The following PRKCH variants were observed in gnomAD, a reference collection of about 807,000 sequenced individuals.
PRKCH encodes the protein protein kinase C eta type.
A neutral mutation model predicts 82.5 loss-of-function variants in PRKCH; 28 were observed. That is an observed-to-expected ratio of 0.34 (90% CI 0.25 to 0.47). The LOEUF (loss-of-function observed/expected upper bound fraction) is 0.47, where lower values mean the gene tolerates loss of function less well. Ranked by LOEUF, PRKCH falls within the 20% of genes least tolerant of loss-of-function variation. PRKCH has a pLI of 1.00. For synonymous variants in PRKCH, 322 were observed against 327.4 expected (o/e 0.98, Z 0.18); for missense variants, 705 against 881.8 (o/e 0.80, Z 2.54).
At chr14:61,494,516 G>A (rs1251749952) in intron 10 of PRKCH, among the ~76,000 whole-genome samples, 1 of 152,240 alleles carries the variant, frequency 6.6e-6, no homozygotes, top group Non-Finnish European at 1.5e-5. Flanking sequence ...GGGGATGTGG[G>A]CAGGTTGCTG....
chr14:61,441,593 A>G (rs1473651673), intron 2 of PRKCH, among the ~76,000 whole-genome samples: 2 of 152,148 alleles, frequency 1.3e-5, no homozygotes, highest in African/African-American at 4.8e-5. Flanking sequence ...GCCTCTTCAC[A>G]TCCTCTGCCC....
At chr14:61,360,492 G>A (rs935722285) in intron 1 of PRKCH, among the ~76,000 whole-genome samples, 3 of 151,892 alleles carry the variant, frequency 2.0e-5, no homozygotes, top group East Asian at 1.9e-4. Context: ...GTGTCAGAGT[G>A]AGACTCCATC....
intron 1 of PRKCH, among the ~76,000 whole-genome samples, chr14:61,350,895 G>T (rs566015114): frequency 1.3e-5 from 2 of 152,166 alleles, no homozygotes; most frequent in Non-Finnish European, 2.9e-5. Context: ...TCTGTAGAGG[G>T]ATTGTAGGTT....
At chr14:61,464,311 A>G (rs1441588019) in intron 9 of PRKCH, among the ~76,000 whole-genome samples, 2 of 150,204 alleles carry the variant, frequency 1.3e-5, no homozygotes, top group Non-Finnish European at 3.0e-5. Context: ...CATATCCCCA[A>G]TGATTAGTGA....
chr14:61,331,088 A>ACATACATACATAT (rs1566823917), intron 1 of PRKCH, among the ~76,000 whole-genome samples: 1 of 152,234 alleles, frequency 6.6e-6, no homozygotes, highest in East Asian at 1.9e-4. Context: ...CTAACTCATG[A>ACATACATACATAT]GAAGTGTAAT....
chr14:61,317,693 TCCTGGCTACTGCTTTTCTCTTACCTC>T (rs1213425758), upstream of PRKCH, among the ~76,000 whole-genome samples: 2 of 152,146 alleles, frequency 1.3e-5, no homozygotes, highest in Non-Finnish European at 2.9e-5. Flanking sequence ...CACCACATCT[TCCTGGCTACTGCTTTTCTCTTACCTC>T]CCTGGCTACT....
chr14:61,200,413 G>A (rs2044471891), intron 1 of PRKCH, among the ~76,000 whole-genome samples: 1 of 150,958 alleles, frequency 6.6e-6, no homozygotes, highest in Admixed American at 6.6e-5. Context: ...GTGTGTGTTT[G>A]TGTGTTACAG....
At position 61,280,246 on chromosome 14, in the gene PRKCH, A is replaced by C; in HGVS notation, c.-19+92578A>C. ...CCACGAGATGCTGCTGAAGATGAGG[A>C]GCTTGTGGCCGCCGAACGCGCGCAC... is the stretch of plus-strand genomic sequence containing the variant. On this transcript the variant is annotated intron_variant, in intron 1 of 3. Transcript: ENST00000555185. The surrounding 1 kb of genome is among the most constrained non-coding windows in gnomAD (Gnocchi z 5.0). 1.2e-6 allele frequency: 2 copies of C among 1,613,998 alleles called. No individual in the cohort carries two copies. Among genetic ancestry groups the C allele is most frequent in the Non-Finnish European group, 8.5e-7 (1 of 1,179,980 alleles).
chr14:61,321,905 T>C lies in PRKCH; in HGVS notation c.-197T>C, dbSNP rs1704822959. ...GCGGCGGGCTCCCCTCCTTTCCACC[T>C]CGGGAGGGAGGGAAGGAGGGGAGGG... On this transcript the variant is annotated 5_prime_UTR_variant, in exon 1 of 14. Coordinates refer to ENST00000332981, the MANE Select transcript of PRKCH (RefSeq NM_006255.5). This position sits in a 1 kb window ranked among gnomAD's most constrained non-coding sequence, Gnocchi z 4.1. The C allele has an allele frequency of 1.8e-6, 1 of 545,492 alleles. No homozygotes were observed. Among genetic ancestry groups the C allele is most frequent in the South Asian group, 2.5e-5 (1 of 40,124 alleles). The allele number at this position is 545,492 out of a possible 1,614,324, so 33.8% of individuals were successfully genotyped here. A position where few individuals can be genotyped will look rare whatever the true frequency, so the allele number is the denominator to read the frequency against.
At chr14:61,522,643 C>T (rs1191409379) in intron 10 of PRKCH, among the ~76,000 whole-genome samples, 2 of 152,352 alleles carry the variant, frequency 1.3e-5, no homozygotes, top group South Asian at 2.1e-4. Flanking sequence ...CTAGGTCAGG[C>T]CATCCCTTGA....
intron 9 of PRKCH, among the ~76,000 whole-genome samples, chr14:61,484,335 A>G (rs1353135189): frequency 7.7e-6 from 1 of 130,136 alleles, no homozygotes; most frequent in East Asian, 2.2e-4. Flanking sequence ...TTCTCACACC[A>G]AACTCTGTAT....
chr14:61,323,206 TG>T, intron 1 of PRKCH, among the ~76,000 whole-genome samples: 1 of 152,304 alleles, frequency 6.6e-6, no homozygotes, highest in African/African-American at 2.4e-5. Flanking sequence ...CCTGTGTTCC[TG>T]GGTATTGACG....
intron 1 of PRKCH, among the ~76,000 whole-genome samples, chr14:61,270,049 T>C (rs940689815): frequency 6.6e-6 from 1 of 152,256 alleles, no homozygotes; most frequent in Non-Finnish European, 1.5e-5. Context: ...GCTTGGCTGC[T>C]GAGTTTACCT....
intron 1 of PRKCH, among the ~76,000 whole-genome samples, chr14:61,283,308 A>G (rs920256740): frequency 6.6e-6 from 1 of 152,104 alleles, no homozygotes; most frequent in African/African-American, 2.4e-5. Flanking sequence ...TATTCATTCC[A>G]CTAATTAAGG....
intron 2 of PRKCH, among the ~76,000 whole-genome samples, chr14:61,412,233 C>T (rs550405666): frequency 2.6e-5 from 4 of 152,070 alleles, no homozygotes; most frequent in Admixed American, 1.3e-4. Context: ...CCAGAATTAA[C>T]GCAGATGTTA....
At chr14:61,294,832 C>T (rs973860987) in intron 1 of PRKCH, among the ~76,000 whole-genome samples, 1 of 152,106 alleles carries the variant, frequency 6.6e-6, no homozygotes, top group Non-Finnish European at 1.5e-5. Context: ...GGTCAGGCTA[C>T]CAGTAATTAT....
chr14:61,197,855 G>T (rs575602702), intron 1 of PRKCH, among the ~76,000 whole-genome samples: 8 of 152,276 alleles, frequency 5.3e-5, no homozygotes, highest in African/African-American at 1.9e-4. Flanking sequence ...GCGTAGAGAT[G>T]TGAGAGACCC....
At chr14:61,203,274 G>A (rs1457873256) in intron 1 of PRKCH, among the ~76,000 whole-genome samples, 1 of 152,118 alleles carries the variant, frequency 6.6e-6, no homozygotes, top group Non-Finnish European at 1.5e-5. Context: ...CCAAGGAAGA[G>A]AAACCCTAAA....
rs190355146 is a variant in PRKCH at position 61,294,377 on chromosome 14, C to T, written c.-19+106709C>T. Among the ~76,000 whole-genome samples, 4 of 152,238 alleles carry T rather than the reference C, an allele frequency of 2.6e-5. No homozygotes were observed. In the East Asian group the frequency reaches 7.7e-4, roughly 29 times the overall value. ...CCTCGTGATCTGCCCGCCTCGGCCT[C>T]CCAAAGTGTTGGGATTACAGGCGTG... On this transcript the variant is annotated intron_variant, in intron 1 of 3. Coordinates refer to the PRKCH transcript ENST00000555185.
Sources: allele counts gnomAD v4.1 joint callset (sites outside exome capture counted in the v4.1 genomes callset), GRCh38; gene constraint gnomAD v4.1.1; non-coding constraint Gnocchi (gnomAD v3.1); transcripts MANE v1.5; gene names NCBI Gene and HGNC (gene_info 2026-07-23, HGNC 2026-07-21).